The following PATL2 variants were observed in gnomAD, a reference collection of about 807,000 sequenced individuals.
PATL2 encodes the protein PAT1 homolog 2.
PATL2 carries 73 observed loss-of-function variants against 77.0 expected under a neutral mutation model. The observed-to-expected ratio is 0.95, with a 90% CI of 0.78 to 1.15. PATL2 has a LOEUF of 1.15. Among genes scored for constraint, PATL2 ranks in the 50% most tolerant of loss-of-function variants. The pLI, the probability that PATL2 is intolerant of heterozygous loss-of-function variation, is 0.00. For missense variants in PATL2, 618 were observed against 655.4 expected, an observed-to-expected ratio of 0.94 and a Z score of 0.62; for synonymous variants, 265 against 257.1, an observed-to-expected ratio of 1.03 and a Z score of -0.29.
intron 4 of PATL2, 21 bp from the exon 5 acceptor site, chr15:44,675,712 G>C (rs2085921032): frequency 6.5e-7 from 1 of 1,531,840 alleles, no homozygotes; most frequent in Non-Finnish European, 8.8e-7. Context: ...GTGTGGGCCA[G>C]AGGAGAAGGT....
chr15:44,669,775 A>G lies in PATL2; in HGVS notation c.876+2T>C, dbSNP rs1340488161. On this transcript the variant is annotated splice_donor_variant, in intron 11 of 17. Coordinates refer to ENST00000682850, the MANE Select transcript of PATL2 (RefSeq NM_001387263.1). LOFTEE classifies it high-confidence loss of function. ...AAATGTCTGGGAAGATAGTGCTCCCACCTGCTCTTGAGTTCCATGGGGTAC... is the reference window on the plus strand; with the variant it reads ...AAATGTCTGGGAAGATAGTGCTCCCGCCTGCTCTTGAGTTCCATGGGGTAC... 4 of 1,551,596 alleles carry G rather than the reference A, an allele frequency of 2.6e-6. No individual in the cohort carries two copies. The highest frequency in any genetic ancestry group is 3.5e-6 in the Non-Finnish European group (4 of 1,146,940).
intron 2 of PATL2, among the ~76,000 whole-genome samples, chr15:44,710,609 C>T (rs536827646): frequency 7.2e-5 from 11 of 152,158 alleles, no homozygotes; most frequent in Non-Finnish European, 1.6e-4. Context: ...TTCCCCTGTC[C>T]ATAAAATGAA....
At chr15:44,680,273 G>C (rs1385820401) in intron 3 of PATL2, among the ~76,000 whole-genome samples, 2 of 152,182 alleles carry the variant, frequency 1.3e-5, no homozygotes, top group African/African-American at 4.8e-5. Context: ...CTGCTGAGCT[G>C]TTCTTTAATT....
At chr15:44,678,272 A>G (rs2086039788) in intron 3 of PATL2, among the ~76,000 whole-genome samples, 2 of 152,192 alleles carry the variant, frequency 1.3e-5, no homozygotes, top group African/African-American at 2.4e-5. Flanking sequence ...GAGGTGATTC[A>G]TTAGGTTGTT....
intron 3 of PATL2, chr15:44,676,862 C>T (rs897059781): frequency 3.9e-5 from 43 of 1,104,382 alleles, no homozygotes; most frequent in Non-Finnish European, 4.8e-5. Flanking sequence ...CTGCCGACAC[C>T]CACCACCTGA....
At chr15:44,678,387 T>G (rs1333118316) in intron 3 of PATL2, among the ~76,000 whole-genome samples, 1 of 152,126 alleles carries the variant, frequency 6.6e-6, no homozygotes, top group Non-Finnish European at 1.5e-5. Flanking sequence ...GGCTCAGTCT[T>G]AAAGATCACA....
chr15:44,689,736 AC>A (rs2086344855), intron 3 of PATL2, among the ~76,000 whole-genome samples: 1 of 152,182 alleles, frequency 6.6e-6, no homozygotes, highest in Non-Finnish European at 1.5e-5. Context: ...GGGGAGGGAT[AC>A]CATTAGGAGA....
chr15:44,666,111 G>A (rs1270037384), intron 17 of PATL2, 140 bp from the exon 18 acceptor site: 1 of 901,326 alleles, frequency 1.1e-6, no homozygotes, highest in East Asian at 2.7e-5. Flanking sequence ...TCCTAGAATA[G>A]TTGTCCCTCA....
At chr15:44,708,836 G>A (rs969441968) in intron 3 of PATL2, among the ~76,000 whole-genome samples, 1 of 152,174 alleles carries the variant, frequency 6.6e-6, no homozygotes, top group African/African-American at 2.4e-5. Context: ...ACCTTGGGTG[G>A]AGTGGCTGGA....
chr15:44,693,729 G>T (rs572510451), intron 3 of PATL2, among the ~76,000 whole-genome samples: 1 of 148,778 alleles, frequency 6.7e-6, no homozygotes, highest in Non-Finnish European at 1.5e-5. Context: ...GTCTCGCTCT[G>T]TCTCCCAGGT....
intron 14 of PATL2, 135 bp downstream of exon 14, chr15:44,668,845 G>A: frequency 9.3e-7 from 1 of 1,077,368 alleles, no homozygotes; most frequent in African/African-American, 1.6e-5. Context: ...CCTTGCCTGA[G>A]GGTGGCAAGG....
chr15:44,679,007 T>C (rs1258965592), intron 3 of PATL2, among the ~76,000 whole-genome samples: 2 of 152,196 alleles, frequency 1.3e-5, no homozygotes, highest in African/African-American at 4.8e-5. Flanking sequence ...TTGTTCATAG[T>C]ATAAGTGTAT....
chr15:44,673,728 C>G (rs2085809867), intron 6 of PATL2, among the ~76,000 whole-genome samples: 1 of 92,076 alleles, frequency 1.1e-5, no homozygotes, highest in South Asian at 4.5e-4. Context: ...CTGACTCACT[C>G]AAAGCCCTCC....
At chr15:44,707,498 G>GGA in intron 3 of PATL2, among the ~76,000 whole-genome samples, 1 of 152,240 alleles carries the variant, frequency 6.6e-6, no homozygotes, top group Non-Finnish European at 1.5e-5. Flanking sequence ...TTCCCTTCTG[G>GGA]CCCAGGGTGT....
In PATL2 at chr15:44,680,552, T is replaced by C. The variant is rs374588483; in HGVS notation, c.-75-3987A>G. Among the ~76,000 whole-genome samples, 4 of 152,196 alleles carry C rather than the reference T, an allele frequency of 2.6e-5. No individual in the cohort carries two copies. The South Asian group carries it at 8.3e-4, about 32-fold the overall frequency. Reference sequence around the variant, plus strand: ...AAGTCCAGACTCTCTTCCTGGATGCTTGGCCCTTCAGCCACTTTTCTCTGT... The same window carrying C: ...AAGTCCAGACTCTCTTCCTGGATGCCTGGCCCTTCAGCCACTTTTCTCTGT... On this transcript the variant is annotated intron_variant, in intron 3 of 17. Coordinates refer to ENST00000682850, the MANE Select transcript of PATL2 (RefSeq NM_001387263.1).
At position 44,675,540 on chromosome 15, in the gene PATL2, C is replaced by T. The variant is rs1272096124; in HGVS notation, c.168G>A (p.Glu56=). 1 of 1,551,908 alleles carries T rather than the reference C, an allele frequency of 6.4e-7. No homozygotes were observed. Residue 56 remains glutamate (E), a synonymous_variant, in exon 5 of 18, where the codon GAG becomes GAA. Transcript: ENST00000682850. ...LDPDLDPDLE[E]EENDLGDPAV... is the part of the protein sequence containing the mutation. ...CTGGATCCCCAAGATCATTCTCTTC[C>T]TCCTCTAGGTCTGGGTCCAGATCTG...
At chr15:44,673,015 C>T (rs1461981955) in intron 7 of PATL2, among the ~76,000 whole-genome samples, 2 of 152,246 alleles carry the variant, frequency 1.3e-5, no homozygotes, top group South Asian at 2.1e-4. Context: ...CCACCTTGGC[C>T]TCCCAGAGTG....
intron 3 of PATL2, among the ~76,000 whole-genome samples, chr15:44,679,333 C>A (rs1280136601): frequency 6.6e-6 from 1 of 151,858 alleles, no homozygotes; most frequent in East Asian, 1.9e-4. Flanking sequence ...TGGGATCAAG[C>A]AATTGTCCTG....
chr15:44,686,553 A>T (rs2086261987), intron 3 of PATL2, among the ~76,000 whole-genome samples: 2 of 152,214 alleles, frequency 1.3e-5, no homozygotes, highest in Admixed American at 6.5e-5. Context: ...AGAAATAACT[A>T]AGATCAGAGC....
Sources: gnomAD v4.1 joint callset for allele counts (sites outside exome capture counted in the v4.1 genomes callset) on GRCh38, gnomAD v4.1.1 for gene constraint, MANE v1.5 for transcripts, NCBI Gene and HGNC (gene_info 2026-07-23, HGNC 2026-07-21) for gene names.